The following ERFL variants were observed in gnomAD, a reference collection of about 807,000 sequenced individuals.
The protein encoded by ERFL is ETS repressor factor like, also known as ETS domain-containing transcription factor ERF-like.
ERFL carries 8 observed loss-of-function variants against 27.9 expected under a neutral mutation model. That is an observed-to-expected ratio of 0.29 (90% CI 0.17 to 0.52). The LOEUF is 0.52. ERFL is among the 20% of genes least tolerant of loss of function. The pLI is 0.97. For missense variants in ERFL, 294 were observed against 444.4 expected (o/e 0.66, Z 3.04); for synonymous variants, 174 against 202.8 (o/e 0.86, Z 1.21).
chr19:41,924,450 G>A (rs1377990442), intron 1 of ERFL, among the ~76,000 whole-genome samples: 1 of 152,116 alleles, frequency 6.6e-6, no homozygotes, highest in African/African-American at 2.4e-5. Flanking sequence ...TGGGTGTGAA[G>A]AACTTGGTGT....
At chr19:41,926,973 C>T (rs552856342) in intron 1 of ERFL, among the ~76,000 whole-genome samples, 24 of 150,656 alleles carry the variant, frequency 1.6e-4, no homozygotes, top group Non-Finnish European at 3.1e-4. Context: ...AAAGAGATGC[C>T]GAGAAAGGAA....
In ERFL at chr19:41,907,957, C is replaced by T. The variant is rs1480549772; in HGVS notation, c.*271G>A. 39 of 375,504 alleles carry T rather than the reference C, an allele frequency of 1.0e-4. No homozygotes were observed. The Admixed American group carries it at 1.8e-3, about 17-fold the overall frequency. The allele number at this position is 375,504 out of a possible 1,614,324, so 23.3% of individuals were successfully genotyped here. A position where few individuals can be genotyped will look rare whatever the true frequency, so the allele number is the denominator to read the frequency against. On this transcript the variant is annotated 3_prime_UTR_variant, in exon 6 of 6. Coordinates refer to ENST00000597630, the MANE Select transcript of ERFL (RefSeq NM_001365103.2). ...GTGGGCGGGCGGGGCAGGCTGGGCGCCATATTGCACTTTGGGAGTGGGGCC... is the reference window on the plus strand; with the variant it reads ...GTGGGCGGGCGGGGCAGGCTGGGCGTCATATTGCACTTTGGGAGTGGGGCC...
chr19:41,927,819 A>G (rs2074880447), intron 1 of ERFL, among the ~76,000 whole-genome samples: 1 of 147,156 alleles, frequency 6.8e-6, no homozygotes, highest in African/African-American at 2.6e-5. Flanking sequence ...CCCTGTCCCG[A>G]GGCCGCACCT....
At chr19:41,911,036 G>A (rs190213330) in intron 2 of ERFL, among the ~76,000 whole-genome samples, 25 of 152,202 alleles carry the variant, frequency 1.6e-4, no homozygotes, top group African/African-American at 5.1e-4. Context: ...CGATGGAGAC[G>A]GTGAACACAG....
chr19:41,926,130 T>C (rs1200812143), intron 1 of ERFL, among the ~76,000 whole-genome samples: 2 of 151,408 alleles, frequency 1.3e-5, no homozygotes, highest in Non-Finnish European at 2.9e-5. Context: ...CAGTGTGACA[T>C]GAAATGAGAT....
At chr19:41,913,633 T>C (rs1426623080) in intron 1 of ERFL, among the ~76,000 whole-genome samples, 4 of 151,422 alleles carry the variant, frequency 2.6e-5, no homozygotes, top group Admixed American at 2.6e-4. Context: ...CCCTGTCACT[T>C]GGATCTGCCT....
At chr19:41,922,603 C>T (rs560347344) in intron 1 of ERFL, among the ~76,000 whole-genome samples, 18 of 151,666 alleles carry the variant, frequency 1.2e-4, no homozygotes, top group Middle Eastern at 3.4e-3. Flanking sequence ...AGAGAGACTC[C>T]GAGGGACGAG....
rs1487223747 is a variant in ERFL, at chr19:41,914,596, A to ATCTCTG, written c.-13-1670_-13-1665dup. The stretch of plus-strand genomic sequence containing the variant: ...CTCCGTCTCTCCCTCCCTTTCCACC[A>ATCTCTG]TCTCTGTCTCTCCCTCCCCTTCCAC... On this transcript the variant is annotated intron_variant, in intron 1 of 5. Transcript: ENST00000597630. Among the ~76,000 whole-genome samples, 137 of 20,252 alleles carry ATCTCTG rather than the reference A, an allele frequency of 6.8e-3. 32 individuals carry two copies. The highest frequency in any genetic ancestry group is 6.1e-3 in the Admixed American group (9 of 1,464). 13.3% of individuals were successfully genotyped at this position (20,252 alleles called of 152,430 possible).
intron 1 of ERFL, among the ~76,000 whole-genome samples, chr19:41,913,389 C>T (rs1352615324): frequency 6.6e-6 from 1 of 151,914 alleles, no homozygotes; most frequent in African/African-American, 2.4e-5. Context: ...GTCTCTCTCT[C>T]TGGCTGCCCC....
intron 1 of ERFL, among the ~76,000 whole-genome samples, chr19:41,926,074 G>A (rs2074869077): frequency 6.6e-6 from 1 of 152,112 alleles, no homozygotes; most frequent in Non-Finnish European, 1.5e-5. Context: ...TGAGTTTGCA[G>A]CTTTAGGGGA....
intron 1 of ERFL, 86 bp downstream of exon 1, chr19:41,927,954 C>T (rs2074881523): frequency 6.6e-6 from 1 of 151,752 alleles, no homozygotes; most frequent in Non-Finnish European, 1.5e-5. Context: ...CTCAGGCCTC[C>T]CGGGACCACC....
chr19:41,917,633 T>C lies in ERFL; in HGVS notation c.-13-4701A>G, dbSNP rs2145898343. Among the ~76,000 whole-genome samples the C allele has an allele frequency of 6.6e-6, 1 of 151,786 alleles. No homozygotes were observed. The highest frequency in any genetic ancestry group is 1.5e-5 in the Non-Finnish European group (1 of 67,856). The stretch of plus-strand genomic sequence containing the variant: ...CCGCCGCCCCCGCATGCACACACCA[T>C]GCCCCAAAGCACACGCACGCACGCA... On this transcript the variant is annotated intron_variant, in intron 1 of 5. Coordinates refer to ENST00000597630, the MANE Select transcript of ERFL (RefSeq NM_001365103.2). This position sits in a 1 kb window ranked among gnomAD's most constrained non-coding sequence, Gnocchi z 4.8.
At chr19:41,922,812 A>C (rs976677490) in intron 1 of ERFL, among the ~76,000 whole-genome samples, 1 of 152,164 alleles carries the variant, frequency 6.6e-6, no homozygotes, top group African/African-American at 2.4e-5. Flanking sequence ...GAGAGCAATA[A>C]ATTATTGTGA....
chr19:41,920,700 C>G (rs1010335571), intron 1 of ERFL, among the ~76,000 whole-genome samples: 3 of 152,264 alleles, frequency 2.0e-5, no homozygotes, highest in Non-Finnish European at 4.4e-5. Context: ...GTCACACAGT[C>G]ATGTGCACAT....
chr19:41,924,178 G>C (rs2074858689), intron 1 of ERFL, among the ~76,000 whole-genome samples: 2 of 151,856 alleles, frequency 1.3e-5, no homozygotes, highest in Non-Finnish European at 2.9e-5. Flanking sequence ...GGAGAAGCAA[G>C]TGTCACCAAA....
In ERFL at chr19:41,916,760, G is replaced by A. The variant is rs561255624; in HGVS notation, c.-13-3828C>T. On this transcript the variant is annotated intron_variant, in intron 1 of 5. Transcript: ENST00000597630. This position sits in a 1 kb window ranked among gnomAD's most constrained non-coding sequence, Gnocchi z 5.4. The stretch of plus-strand genomic sequence containing the variant: ...ACCAGCACCAACCCAGACAGCCAAC[G>A]CACACGGCCACACACACACCCATTC... 4.5e-4 allele frequency among the ~76,000 whole-genome samples: 68 copies of A among 151,476 alleles called. 1 individual carries two copies. Among genetic ancestry groups the A allele is most frequent in the Admixed American group, 6.6e-5 (1 of 15,226 alleles).
chr19:41,918,958 G>GCACACCA (rs1196159635), intron 1 of ERFL, among the ~76,000 whole-genome samples: 1 of 134,222 alleles, frequency 7.5e-6, no homozygotes, highest in Admixed American at 7.3e-5. Context: ...ATACACACAT[G>GCACACCA]CACACCACAC....
intron 2 of ERFL, among the ~76,000 whole-genome samples, chr19:41,912,446 A>T (rs1333077682): frequency 6.6e-6 from 1 of 152,076 alleles, no homozygotes; most frequent in Admixed American, 6.5e-5. Flanking sequence ...CGTACCCCTG[A>T]CTGGGCAGTG....
chr19:41,915,008 G>A (rs2074791111), intron 1 of ERFL, among the ~76,000 whole-genome samples: 1 of 71,304 alleles, frequency 1.4e-5, no homozygotes, highest in Non-Finnish European at 2.4e-5. Flanking sequence ...TCCTGTCTCT[G>A]CCCCCACCGT....
Sources: gnomAD v4.1 joint callset for allele counts (sites outside exome capture counted in the v4.1 genomes callset) on GRCh38, gnomAD v4.1.1 for gene constraint, Gnocchi (gnomAD v3.1) non-coding constraint, MANE v1.5 for transcripts, NCBI Gene and HGNC (gene_info 2026-07-23, HGNC 2026-07-21) for gene names.